Variants in SLIT3 observed in about 807,000 individuals in gnomAD.
SLIT3 encodes the protein slit guidance ligand 3.
In SLIT3, 68 loss-of-function variants were observed where a neutral mutation model predicts 184.0. The observed-to-expected ratio is 0.37, with a 90% CI of 0.30 to 0.45. SLIT3 has a LOEUF of 0.45. Ranked by LOEUF, SLIT3 falls within the 20% of genes least tolerant of loss-of-function variation. The pLI, the probability that SLIT3 is intolerant of heterozygous loss-of-function variation, is 1.00. For synonymous variants in SLIT3, 831 were observed against 828.6 expected (o/e 1.00, Z -0.05); for missense variants, 1,707 against 2,026.0 (o/e 0.84, Z 3.02).
At chr5:169,035,571 C>T (rs1015517790) in intron 4 of SLIT3, among the ~76,000 whole-genome samples, 25 of 150,508 alleles carry the variant, frequency 1.7e-4, no homozygotes, top group African/African-American at 4.4e-4. Context: ...ATGGCATGAA[C>T]CCAGGAGGTG....
chr5:169,254,067 G>A (rs1765866220), intron 1 of SLIT3, among the ~76,000 whole-genome samples: 1 of 152,188 alleles, frequency 6.6e-6, no homozygotes, highest in Non-Finnish European at 1.5e-5. Context: ...GGGCTTTGAG[G>A]TGAGATACCT....
chr5:168,974,301 AT>A (rs1446170422), intron 4 of SLIT3, among the ~76,000 whole-genome samples: 5 of 152,192 alleles, frequency 3.3e-5, no homozygotes, highest in African/African-American at 1.2e-4. Flanking sequence ...AAACTCAACT[AT>A]ATTGCTCAGC....
chr5:168,697,559 A>C (rs1762099503), intron 27 of SLIT3, among the ~76,000 whole-genome samples: 1 of 152,158 alleles, frequency 6.6e-6, no homozygotes, highest in Non-Finnish European at 1.5e-5. Flanking sequence ...TCAGATCTGG[A>C]ATTTCAGGTT....
chr5:168,853,346 T>C (rs754676753), intron 5 of SLIT3, among the ~76,000 whole-genome samples: 5 of 152,188 alleles, frequency 3.3e-5, no homozygotes, highest in Non-Finnish European at 7.3e-5. Context: ...TTGCAAAATT[T>C]AATCTCATTT....
intron 4 of SLIT3, among the ~76,000 whole-genome samples, chr5:169,192,241 CAA>C (rs1377480262): frequency 6.6e-6 from 1 of 152,114 alleles, no homozygotes; most frequent in Non-Finnish European, 1.5e-5. Context: ...CTACATTTAG[CAA>C]AGTCAGCTAG....
intron 4 of SLIT3, among the ~76,000 whole-genome samples, chr5:169,037,245 T>C (rs983978496): frequency 1.3e-5 from 2 of 152,206 alleles, no homozygotes; most frequent in African/African-American, 4.8e-5. Context: ...AAGTCCATAA[T>C]TACTAAGCAT....
chr5:168,715,869 G>T (rs1385629078), intron 23 of SLIT3, among the ~76,000 whole-genome samples: 4 of 151,794 alleles, frequency 2.6e-5, no homozygotes, highest in Non-Finnish European at 4.4e-5. Flanking sequence ...ATGGGGTTTT[G>T]CCATCTTGGC....
chr5:169,146,059 T>A (rs1761913546), intron 4 of SLIT3, among the ~76,000 whole-genome samples: 1 of 152,182 alleles, frequency 6.6e-6, no homozygotes, highest in African/African-American at 2.4e-5. Flanking sequence ...TCAAAAAAAA[T>A]AATAGCTAAC....
chr5:169,231,355 C>T (rs796995571), intron 3 of SLIT3, among the ~76,000 whole-genome samples: 28 of 152,272 alleles, frequency 1.8e-4, no homozygotes, highest in African/African-American at 6.7e-4. Context: ...TCCCTTAGTG[C>T]CCCTCTCCAT....
intron 3 of SLIT3, among the ~76,000 whole-genome samples, chr5:169,216,048 G>T (rs908823378): frequency 6.6e-6 from 1 of 152,144 alleles, no homozygotes; most frequent in Non-Finnish European, 1.5e-5. Context: ...CTTAAAGACA[G>T]GGCTGTGCCT....
intron 16 of SLIT3, among the ~76,000 whole-genome samples, chr5:168,755,389 A>ATTTATTTCTTTCTTTCTTTC (rs1213373035): frequency 9.0e-5 from 12 of 133,774 alleles, no homozygotes; most frequent in South Asian, 2.8e-4. Flanking sequence ...CAGTGCCGCC[A>ATTTATTTCTTTCTTTCTTTC]TTTCTTTCTT....
chr5:169,032,598 CGT>C (rs1491169727), intron 4 of SLIT3, among the ~76,000 whole-genome samples: 1 of 111,510 alleles, frequency 9.0e-6, no homozygotes, highest in Admixed American at 9.0e-5. Context: ...GTTTTAGTTT[CGT>C]TTTTTTTTTT....
At chr5:169,027,056 T>G (rs1401548208) in intron 4 of SLIT3, among the ~76,000 whole-genome samples, 4 of 152,150 alleles carry the variant, frequency 2.6e-5, no homozygotes, top group African/African-American at 9.7e-5. Context: ...TTTCCATGGG[T>G]AGACAGACTT....
chr5:168,931,955 A>G (rs932261485), intron 4 of SLIT3, among the ~76,000 whole-genome samples: 4 of 152,178 alleles, frequency 2.6e-5, no homozygotes, highest in African/African-American at 9.7e-5. Context: ...TCTGAGTAAC[A>G]GAACTGTGGG....
chr5:169,193,755 A>G (rs1296020715), intron 3 of SLIT3, among the ~76,000 whole-genome samples: 1 of 152,196 alleles, frequency 6.6e-6, no homozygotes, highest in East Asian at 1.9e-4. Context: ...AGCAAAGGTC[A>G]GTCAAAAGTA....
chr5:168,802,265 C>G (rs187060367), intron 9 of SLIT3, among the ~76,000 whole-genome samples: 2 of 152,160 alleles, frequency 1.3e-5, no homozygotes, highest in East Asian at 3.9e-4. Context: ...CATCTTCCCA[C>G]CCATCTGCTG....
At chr5:168,698,361 G>A (rs891402406) in intron 27 of SLIT3, among the ~76,000 whole-genome samples, 6 of 152,152 alleles carry the variant, frequency 3.9e-5, no homozygotes, top group African/African-American at 1.4e-4. Flanking sequence ...CAATATAACA[G>A]GTGTCTCTAA....
chr5:169,102,532 ATATT>A (rs1354237945), intron 4 of SLIT3, among the ~76,000 whole-genome samples: 6 of 152,164 alleles, frequency 3.9e-5, no homozygotes, highest in Admixed American at 2.6e-4. Context: ...GGCTATGTAA[ATATT>A]TATTAGATGT....
chr5:169,113,129 G>A (rs953386641), intron 4 of SLIT3, among the ~76,000 whole-genome samples: 70 of 152,038 alleles, frequency 4.6e-4, no homozygotes, highest in African/African-American at 1.7e-3. Context: ...AAGTACATTC[G>A]CCTTGTTGTG....
Sources: gnomAD v4.1 joint callset for allele counts (sites outside exome capture counted in the v4.1 genomes callset) on GRCh38, gnomAD v4.1.1 for gene constraint, MANE v1.5 for transcripts, NCBI Gene and HGNC (gene_info 2026-07-23, HGNC 2026-07-21) for gene names.